The following SLC2A5 variants were observed in gnomAD, a reference collection of about 807,000 sequenced individuals.
SLC2A5 encodes solute carrier family 2, facilitated glucose transporter member 5.
A neutral mutation model predicts 50.3 loss-of-function variants in SLC2A5; 56 were observed. That is an observed-to-expected ratio of 1.11 (90% CI 0.90 to 1.39). The LOEUF is 1.39. SLC2A5 is among the 40% of genes most tolerant of loss of function. SLC2A5 has a pLI of 0.00. For missense variants in SLC2A5, 566 were observed against 650.1 expected (o/e 0.87, Z 1.41); for synonymous variants, 269 against 281.9 (o/e 0.95, Z 0.46).
intron 3 of SLC2A5, among the ~76,000 whole-genome samples, chr1:9,050,225 T>G (rs1641535314): frequency 6.6e-6 from 1 of 151,418 alleles, no homozygotes; most frequent in Admixed American, 6.6e-5. Flanking sequence ...TGCAGTGAGC[T>G]GAGATTATGC....
At chr1:9,093,907 C>T in the SLC2A5 span, among the ~76,000 whole-genome samples, 2 of 152,300 alleles carry the variant, frequency 1.3e-5, no homozygotes, top group East Asian at 3.9e-4. Flanking sequence ...AAAAAGCTGA[C>T]ATGCTGGTCG....
intron 4 of SLC2A5, among the ~76,000 whole-genome samples, chr1:9,043,262 T>C (rs537662729): frequency 1.3e-5 from 2 of 152,236 alleles, no homozygotes; most frequent in African/African-American, 4.8e-5. Flanking sequence ...GGGTATTTGA[T>C]AGAACTGAGA....
chr1:9,060,926 G>A (rs1641926319), intron 1 of SLC2A5, among the ~76,000 whole-genome samples: 1 of 150,464 alleles, frequency 6.6e-6, no homozygotes, highest in African/African-American at 2.4e-5. Context: ...CTGTTCTACT[G>A]CTTGATTTTG....
chr1:9,070,174 G>A (rs749958890), upstream of SLC2A5, among the ~76,000 whole-genome samples: 2 of 131,920 alleles, frequency 1.5e-5, no homozygotes, highest in African/African-American at 2.8e-5. Flanking sequence ...TCCGCCTCCC[G>A]AGTTCAAGCG....
upstream of SLC2A5, among the ~76,000 whole-genome samples, chr1:9,090,704 C>T (rs1260043479): frequency 3.9e-5 from 6 of 152,170 alleles, no homozygotes; most frequent in African/African-American, 1.4e-4. Flanking sequence ...TTTTTGCTCT[C>T]ACTTGGACTG....
At position 9,057,474 on chromosome 1, in the gene SLC2A5, G is replaced by A. The variant is rs771373747; in HGVS notation, c.267C>T (p.Val89=). Residue 89 remains valine, a synonymous_variant, in exon 3 of 12, where the codon GTC becomes GTT. Coordinates refer to ENST00000377424, the MANE Select transcript of SLC2A5 (RefSeq NM_003039.3). ...PFGGFIGSLL[V]GPLVNKFGRK... is the part of the protein sequence containing the mutation. Reference sequence around the variant, plus strand: ...TGCCAAATTTATTCACCAAGGGGCCGACCAGGAGGGATCCGATAAACCCTC... The same window carrying A: ...TGCCAAATTTATTCACCAAGGGGCCAACCAGGAGGGATCCGATAAACCCTC... The A allele has an allele frequency of 1.3e-5, 21 of 1,613,378 alleles. No homozygotes were observed. In the Admixed American group the frequency reaches 1.7e-4, roughly 13 times the overall value.
intron 2 of SLC2A5, among the ~76,000 whole-genome samples, chr1:9,078,484 T>C (rs965679218): frequency 4.6e-5 from 7 of 152,196 alleles, no homozygotes; most frequent in African/African-American, 1.4e-4. Context: ...AGACTTTGTA[T>C]TGGGTACAGT....
At chr1:9,084,101 G>T (rs1210338347) in intron 2 of SLC2A5, among the ~76,000 whole-genome samples, 1 of 149,644 alleles carries the variant, frequency 6.7e-6, no homozygotes, top group Non-Finnish European at 1.5e-5. Flanking sequence ...CCGAGATAGC[G>T]CCACTGCACT....
chr1:9,063,177 G>A lies in SLC2A5; in HGVS notation c.34-4927C>T, dbSNP rs143735341. Among the ~76,000 whole-genome samples the A allele has an allele frequency of 3.5e-4, 53 of 152,148 alleles. 1 individual carries two copies. The highest frequency in any genetic ancestry group is 3.4e-3 in the Middle Eastern group (1 of 294). The stretch of plus-strand genomic sequence containing the variant: ...GAGATCATGCAGTGTTTGTCTTCCC[G>A]TGCCTGGCTTATTTCACTTTGGTGA... On this transcript the variant is annotated intron_variant, in intron 1 of 11. Coordinates refer to ENST00000377424, the MANE Select transcript of SLC2A5 (RefSeq NM_003039.3).
At chr1:9,054,656 G>A (rs187720508) in intron 3 of SLC2A5, among the ~76,000 whole-genome samples, 8 of 152,286 alleles carry the variant, frequency 5.3e-5, no homozygotes, top group African/African-American at 1.7e-4. Flanking sequence ...TAGGCGTAGC[G>A]GTTCGTGCCT....
At chr1:9,092,342 A>G (rs1642468921), upstream of SLC2A5, among the ~76,000 whole-genome samples, 1 of 152,176 alleles carries the variant, frequency 6.6e-6, no homozygotes, top group African/African-American at 2.4e-5. Flanking sequence ...CTGACCCTGA[A>G]TAAACAACTC....
chr1:9,050,069 C>T lies in SLC2A5; in HGVS notation c.294-2335G>A, dbSNP rs527373468. ...GGTGGATCACCTGAGGCCAGGAGTTCGAGACCAGCCTGGCCAACACAACGA... is the reference window on the plus strand; with the variant it reads ...GGTGGATCACCTGAGGCCAGGAGTTTGAGACCAGCCTGGCCAACACAACGA... On this transcript the variant is annotated intron_variant, in intron 3 of 11. Coordinates refer to ENST00000377424, the MANE Select transcript of SLC2A5 (RefSeq NM_003039.3). Among the ~76,000 whole-genome samples, 39 of 151,972 alleles carry T rather than the reference C, an allele frequency of 2.6e-4. No homozygotes were observed. In the South Asian group the frequency reaches 3.1e-3, roughly 12 times the overall value.
chr1:9,054,593 A>T (rs948065870), intron 3 of SLC2A5, among the ~76,000 whole-genome samples: 2 of 152,168 alleles, frequency 1.3e-5, no homozygotes, highest in Non-Finnish European at 2.9e-5. Context: ...AAAACACCAG[A>T]TCTATCTGGA....
chr1:9,053,528 A>T (rs1641677750), intron 3 of SLC2A5, among the ~76,000 whole-genome samples: 1 of 97,272 alleles, frequency 1.0e-5, no homozygotes, highest in Non-Finnish European at 2.0e-5. Flanking sequence ...CTATATATTT[A>T]TATATTAATA....
In SLC2A5 at chr1:9,079,071, C is replaced by T. The variant is rs116541415; in HGVS notation, c.-59+5943G>A. On this transcript the variant is annotated intron_variant, in intron 2 of 5. Transcript: ENST00000464985. ...CCTCTTCCTCTTCTGTGAAAAGCCA[C>T]ACCCCACCTTGGGCATGCCACCTGG... 7.2e-3 allele frequency among the ~76,000 whole-genome samples: 1,095 copies of T among 152,272 alleles called. 13 individuals are homozygous for T. The highest frequency in any genetic ancestry group is 0.025 in the African/African-American group (1,039 of 41,534).
chr1:9,037,072 A>G lies in SLC2A5; in HGVS notation c.*514T>C, dbSNP rs1641150800. 6.3e-6 allele frequency: 1 copy of G among 157,974 alleles called. No individual in the cohort carries two copies. Among genetic ancestry groups the G allele is most frequent in the Admixed American group, 6.1e-5 (1 of 16,270 alleles). 9.8% of individuals were successfully genotyped at this position (157,974 alleles called of 1,614,324 possible). The stretch of plus-strand genomic sequence containing the variant: ...AGGAACCTGTTCCTCAGCTTTCTGG[A>G]TGTCATTGTTTCTGACATCACACCT... On this transcript the variant is annotated 3_prime_UTR_variant, in exon 12 of 12. Transcript: ENST00000377424.
chr1:9,067,758 G>A (rs545856202), intron 1 of SLC2A5, among the ~76,000 whole-genome samples: 4 of 152,242 alleles, frequency 2.6e-5, no homozygotes, highest in South Asian at 2.1e-4. Context: ...GAGCTACTGC[G>A]TCTAGAAGGT....
At chr1:9,076,170 G>C (rs896929938) in intron 2 of SLC2A5, among the ~76,000 whole-genome samples, 1 of 151,724 alleles carries the variant, frequency 6.6e-6, no homozygotes, top group African/African-American at 2.4e-5. Flanking sequence ...TGGCCAGGCT[G>C]TTCTAGAACT....
chr1:9,053,257 TTATATATTTATATTA>T (rs1641644128), intron 3 of SLC2A5, among the ~76,000 whole-genome samples: 3 of 68,768 alleles, frequency 4.4e-5, no homozygotes, highest in East Asian at 4.4e-4. Flanking sequence ...TATTTATATA[TTATATATTTATATTA>T]TATATTTATA....
Sources: allele counts gnomAD v4.1 joint callset (sites outside exome capture counted in the v4.1 genomes callset), GRCh38; gene constraint gnomAD v4.1.1; transcripts MANE v1.5; gene names NCBI Gene and HGNC (gene_info 2026-07-23, HGNC 2026-07-21).